The following KIAA1328 variants were observed in gnomAD, a reference collection of about 807,000 sequenced individuals.
KIAA1328 encodes the protein protein hinderin.
In KIAA1328, 52 loss-of-function variants were observed where a neutral mutation model predicts 68.1. The observed-to-expected ratio is 0.76, with a 90% CI of 0.61 to 0.96. KIAA1328 has a LOEUF of 0.96. KIAA1328 is among the 40% of genes least tolerant of loss of function. The pLI is 0.00. For missense variants in KIAA1328, 641 were observed against 677.6 expected (o/e 0.95, Z 0.60); for synonymous variants, 232 against 239.4 (o/e 0.97, Z 0.28).
chr18:37,217,443 A>G (rs996659592), intron 9 of KIAA1328, among the ~76,000 whole-genome samples: 3 of 152,256 alleles, frequency 2.0e-5, no homozygotes, highest in African/African-American at 7.2e-5. Context: ...GTTTGGCTGG[A>G]TATGAAATTC....
chr18:37,227,739 T>A (rs1332358084), downstream of KIAA1328, among the ~76,000 whole-genome samples: 1 of 152,256 alleles, frequency 6.6e-6, no homozygotes, highest in Non-Finnish European at 1.5e-5. Flanking sequence ...AGAAGAATGT[T>A]GTTTTCATGC....
intron 5 of KIAA1328, among the ~76,000 whole-genome samples, chr18:36,947,476 G>C (rs2050949269): frequency 6.6e-6 from 1 of 152,190 alleles, no homozygotes. Flanking sequence ...TTAGGTCATA[G>C]GTGGATTCAC....
intron 9 of KIAA1328, among the ~76,000 whole-genome samples, chr18:37,215,545 T>C (rs1045393086): frequency 2.6e-5 from 4 of 152,204 alleles, no homozygotes; most frequent in Non-Finnish European, 5.9e-5. Flanking sequence ...CTGGATTTGG[T>C]TTGCCAGTAT....
chr18:37,221,784 T>C (rs1446227617), intron 9 of KIAA1328, among the ~76,000 whole-genome samples: 1 of 152,172 alleles, frequency 6.6e-6, no homozygotes, highest in Non-Finnish European at 1.5e-5. Context: ...TCATAAGTTA[T>C]AAAGGAATGT....
intron 6 of KIAA1328, among the ~76,000 whole-genome samples, chr18:37,033,777 CA>C (rs1341263378): frequency 2.0e-5 from 3 of 152,222 alleles, no homozygotes; most frequent in Non-Finnish European, 4.4e-5. Context: ...CGGAACTCTG[CA>C]GCAAGACTTC....
At chr18:36,971,154 ACAAC>A (rs901609053) in intron 6 of KIAA1328, among the ~76,000 whole-genome samples, 1 of 152,232 alleles carries the variant, frequency 6.6e-6, no homozygotes, top group African/African-American at 2.4e-5. Flanking sequence ...CCACACATCT[ACAAC>A]CATCTGATCT....
intron 4 of KIAA1328, among the ~76,000 whole-genome samples, chr18:36,854,182 T>G (rs1178147975): frequency 6.6e-6 from 1 of 152,176 alleles, no homozygotes; most frequent in Non-Finnish European, 1.5e-5. Context: ...GGAAAGACTA[T>G]GTGAGGACAC....
intron 7 of KIAA1328, 61 bp from the exon 8 acceptor site, chr18:37,160,139 A>G (rs2059245796): frequency 1.5e-6 from 2 of 1,342,342 alleles, no homozygotes; most frequent in Non-Finnish European, 2.0e-6. Flanking sequence ...GAATTTAAAT[A>G]TCTATGTGCT....
chr18:37,016,258 T>A (rs576598058), intron 6 of KIAA1328, among the ~76,000 whole-genome samples: 1 of 152,342 alleles, frequency 6.6e-6, no homozygotes, highest in South Asian at 2.1e-4. Context: ...GATGATCATA[T>A]GGTTTTTGTT....
intron 6 of KIAA1328, among the ~76,000 whole-genome samples, chr18:36,983,330 T>C (rs945911794): frequency 6.6e-6 from 1 of 152,050 alleles, no homozygotes; most frequent in African/African-American, 2.4e-5. Context: ...ACAAAATAGA[T>C]TGTGGAACAC....
At chr18:36,899,842 AAATTTT>A (rs1370476894) in intron 5 of KIAA1328, among the ~76,000 whole-genome samples, 3 of 152,006 alleles carry the variant, frequency 2.0e-5, no homozygotes, top group Non-Finnish European at 4.4e-5. Flanking sequence ...GGTGCTAGCT[AAATTTT>A]AATTTTAAAG....
chr18:37,205,142 A>G (rs2060193700), intron 9 of KIAA1328, among the ~76,000 whole-genome samples: 1 of 152,188 alleles, frequency 6.6e-6, no homozygotes. Context: ...AAGAAAGCAA[A>G]GTCTCACTAG....
intron 7 of KIAA1328, among the ~76,000 whole-genome samples, chr18:37,149,923 AAG>A (rs2058990138): frequency 6.6e-6 from 1 of 152,218 alleles, no homozygotes; most frequent in Non-Finnish European, 1.5e-5. Context: ...AGGACTGAAA[AAG>A]GATATATCAC....
At position 37,218,407 on chromosome 18, in the gene KIAA1328, G is replaced by A. The variant is rs73948840; in HGVS notation, c.1524-3610G>A. The stretch of plus-strand genomic sequence containing the variant: ...TTGGGTAAGGAGCCCTTAATGTCTT[G>A]TAAATCAAGAGGTCAAATGGAGTTT... On this transcript the variant is annotated intron_variant, in intron 9 of 9. Transcript: ENST00000280020. Among the ~76,000 whole-genome samples the A allele has an allele frequency of 2.6e-3, 391 of 152,332 alleles. 3 individuals are homozygous for A. The highest frequency in any genetic ancestry group is 9.0e-3 in the African/African-American group (374 of 41,578).
chr18:36,989,534 A>AT lies in KIAA1328; in HGVS notation c.576+30099_576+30100insT, dbSNP rs937139183. Among the ~76,000 whole-genome samples the AT allele has an allele frequency of 5.7e-4, 87 of 152,236 alleles. 1 individual carries two copies. Among genetic ancestry groups the AT allele is most frequent in the African/African-American group, 1.9e-3 (80 of 41,540 alleles). On this transcript the variant is annotated intron_variant, in intron 6 of 9. Coordinates refer to ENST00000280020, the MANE Select transcript of KIAA1328 (RefSeq NM_020776.3). Reference sequence around the variant, plus strand: ...AATTCTTCTGCTTTTATTCCCATCCAACATAGCTTTTTGGTTTCTTTAAAT... The same window carrying AT: ...AATTCTTCTGCTTTTATTCCCATCCATACATAGCTTTTTGGTTTCTTTAAAT...
In KIAA1328 at chr18:36,994,573, A is replaced by G. The variant is rs903091629; in HGVS notation, c.576+35138A>G. On this transcript the variant is annotated intron_variant, in intron 6 of 9. Transcript: ENST00000280020. ...CTTAAGCACTGTAGTTTGCATAGCT[A>G]AAGTGGCAGAGCATAGGTTGACTCC... Among the ~76,000 whole-genome samples, 11 of 152,308 alleles carry G rather than the reference A, an allele frequency of 7.2e-5. No individual in the cohort carries two copies. In the South Asian group the frequency reaches 1.4e-3, roughly 20 times the overall value.
At chr18:36,945,209 C>A (rs2050856384) in intron 5 of KIAA1328, among the ~76,000 whole-genome samples, 1 of 152,076 alleles carries the variant, frequency 6.6e-6, no homozygotes, top group Non-Finnish European at 1.5e-5. Flanking sequence ...TGGGCTATTC[C>A]TCTATAACAT....
intron 7 of KIAA1328, among the ~76,000 whole-genome samples, chr18:37,100,693 T>A (rs909828585): frequency 1.3e-5 from 2 of 152,192 alleles, no homozygotes; most frequent in Non-Finnish European, 2.9e-5. Flanking sequence ...AGCACGCAGC[T>A]TGAGATCTGA....
chr18:36,859,819 AATTT>A (rs1302407337), intron 4 of KIAA1328, among the ~76,000 whole-genome samples: 2 of 148,682 alleles, frequency 1.3e-5, no homozygotes, highest in Admixed American at 6.7e-5. Context: ...ATGTGAGTTG[AATTT>A]ATTCTATCTT....
Sources: allele counts gnomAD v4.1 joint callset (sites outside exome capture counted in the v4.1 genomes callset), GRCh38; gene constraint gnomAD v4.1.1; transcripts MANE v1.5; gene names NCBI Gene and HGNC (gene_info 2026-07-23, HGNC 2026-07-21).